KCNC2: variants seen among roughly 807,000 people sequenced by gnomAD.
KCNC2 encodes the protein voltage-gated potassium channel KCNC2.
KCNC2 carries 21 observed loss-of-function variants against 44.5 expected under a neutral mutation model. The ratio of observed to expected loss-of-function variants is 0.47; its 90% CI spans 0.33 to 0.68. The LOEUF (loss-of-function observed/expected upper bound fraction) is 0.68, where lower values mean the gene tolerates loss of function less well. Ranked by LOEUF, KCNC2 falls within the 30% of genes least tolerant of loss-of-function variation. The pLI is 0.01. For synonymous variants in KCNC2, 391 were observed against 339.1 expected, an observed-to-expected ratio of 1.15 and a Z score of -1.68; for missense variants, 589 against 826.2, an observed-to-expected ratio of 0.71 and a Z score of 3.52.
intron 2 of KCNC2, among the ~76,000 whole-genome samples, chr12:75,196,456 G>T (rs1033262379): frequency 9.2e-5 from 14 of 152,020 alleles, no homozygotes; most frequent in African/African-American, 2.9e-4. Context: ...AGCAATGCTT[G>T]CCTCAAGGAA....
chr12:75,126,850 G>A (rs2137316114), intron 2 of KCNC2, among the ~76,000 whole-genome samples: 1 of 152,244 alleles, frequency 6.6e-6, no homozygotes, highest in East Asian at 1.9e-4. Context: ...ATTTGGGGCA[G>A]GAAGGACTTC....
At chr12:75,175,903 T>C (rs1892151599) in intron 2 of KCNC2, among the ~76,000 whole-genome samples, 1 of 152,070 alleles carries the variant, frequency 6.6e-6, no homozygotes, top group Non-Finnish European at 1.5e-5. Context: ...AGGTAAATAG[T>C]GAAAACAATA....
intron 2 of KCNC2, among the ~76,000 whole-genome samples, chr12:75,195,583 C>A (rs2030688644): frequency 1.3e-5 from 2 of 152,036 alleles, no homozygotes; most frequent in Non-Finnish European, 2.9e-5. Context: ...AACTCCTCTT[C>A]AACTGTGTCC....
intron 2 of KCNC2, among the ~76,000 whole-genome samples, chr12:75,097,702 C>T (rs1157820904): frequency 6.6e-6 from 1 of 151,974 alleles, no homozygotes; most frequent in African/African-American, 2.4e-5. Context: ...AAGACATATA[C>T]CATGATTTTT....
intron 2 of KCNC2, among the ~76,000 whole-genome samples, chr12:75,174,524 A>G (rs1243467407): frequency 1.3e-5 from 2 of 151,938 alleles, no homozygotes; most frequent in Admixed American, 6.6e-5. Flanking sequence ...TGTTGCAGTC[A>G]TATTATATAG....
chr12:75,119,187 T>C (rs1480493967), intron 2 of KCNC2, among the ~76,000 whole-genome samples: 1 of 152,214 alleles, frequency 6.6e-6, no homozygotes, highest in Non-Finnish European at 1.5e-5. Flanking sequence ...AGATTAATAT[T>C]ATACACAATG....
At position 75,069,129 on chromosome 12, in the gene KCNC2, C is replaced by CTTTTTTTTTTTTTTTTTTTT. The variant is rs1158151551; in HGVS notation, c.688-17832_688-17813dup. Among the ~76,000 whole-genome samples the CTTTTTTTTTTTTTTTTTTTT allele has an allele frequency of 2.5e-4, 16 of 63,648 alleles. 5 individuals carry two copies. Among genetic ancestry groups the CTTTTTTTTTTTTTTTTTTTT allele is most frequent in the South Asian group, 1.6e-3 (2 of 1,290 alleles). 41.8% of individuals were successfully genotyped at this position (63,648 alleles called of 152,430 possible). A position where few individuals can be genotyped will look rare whatever the true frequency, so the allele number is the denominator to read the frequency against. The stretch of plus-strand genomic sequence containing the variant: ...AAAAACAGTTTCAATTTTATATAAT[C>CTTTTTTTTTTTTTTTTTTTT]TTTTTTTTTTTTTTTTTTTTTTGAG... On this transcript the variant is annotated intron_variant, in intron 2 of 4. Coordinates refer to ENST00000549446, the MANE Select transcript of KCNC2 (RefSeq NM_139137.4).
At chr12:75,198,219 C>T (rs2030943586) in intron 2 of KCNC2, among the ~76,000 whole-genome samples, 1 of 151,710 alleles carries the variant, frequency 6.6e-6, no homozygotes, top group Non-Finnish European at 1.5e-5. Flanking sequence ...CATTATGTGC[C>T]TGGGAATTAA....
intron 2 of KCNC2, among the ~76,000 whole-genome samples, chr12:75,090,759 G>A (rs776424046): frequency 7.3e-5 from 11 of 149,908 alleles, no homozygotes; most frequent in Non-Finnish European, 7.5e-5. Context: ...GTAGCAAATT[G>A]TTGTTAATAT....
At chr12:75,089,606 TA>T (rs1885307651) in intron 2 of KCNC2, among the ~76,000 whole-genome samples, 1 of 151,878 alleles carries the variant, frequency 6.6e-6, no homozygotes, top group South Asian at 2.1e-4. Flanking sequence ...ATGCAACTTT[TA>T]ACAGTTTTAT....
chr12:75,043,314 G>A (rs1252937714), intron 4 of KCNC2, 73 bp from the exon 5 acceptor site: 3 of 1,544,822 alleles, frequency 1.9e-6, no homozygotes, highest in Non-Finnish European at 2.6e-6. Flanking sequence ...ACCATGCAGG[G>A]CAATCAAAAG....
Position 75,042,750 on chromosome 12 carries a change from T to A in KCNC2, c.*355A>T. On this transcript the variant is annotated 3_prime_UTR_variant, in exon 5 of 5. Transcript: ENST00000549446. ...TGGTTTACAGTCACAAGAAATAAAG[T>A]TCCAATGAAGTGGTTGGCATTTGGA... 1.3e-5 allele frequency: 15 copies of A among 1,148,370 alleles called. No individual in the cohort carries two copies. Among genetic ancestry groups the A allele is most frequent in the Non-Finnish European group, 1.6e-5 (15 of 933,536 alleles). The allele number at this position is 1,148,370 out of a possible 1,614,324, so 71.1% of individuals were successfully genotyped here.
chr12:75,154,918 A>G (rs1430481853), intron 2 of KCNC2, among the ~76,000 whole-genome samples: 2 of 151,718 alleles, frequency 1.3e-5, no homozygotes, highest in Non-Finnish European at 2.9e-5. Flanking sequence ...TGAAAAACTA[A>G]TTTTTTTTCT....
At chr12:75,193,252 G>A (rs994728220) in intron 2 of KCNC2, among the ~76,000 whole-genome samples, 3 of 152,110 alleles carry the variant, frequency 2.0e-5, no homozygotes, top group Non-Finnish European at 4.4e-5. Flanking sequence ...TGAAAAACAG[G>A]AAAAGTTATT....
chr12:75,105,126 A>C (rs1458165317), intron 2 of KCNC2, among the ~76,000 whole-genome samples: 1 of 152,198 alleles, frequency 6.6e-6, no homozygotes, highest in Non-Finnish European at 1.5e-5. Flanking sequence ...AAAGAAGTTG[A>C]ATAAAAATGG....
intron 2 of KCNC2, among the ~76,000 whole-genome samples, chr12:75,095,223 A>G (rs1479595029): frequency 6.6e-6 from 1 of 151,830 alleles, no homozygotes; most frequent in Non-Finnish European, 1.5e-5. Context: ...TCTGCAATCT[A>G]TGATCTTTAT....
intron 2 of KCNC2, among the ~76,000 whole-genome samples, chr12:75,179,417 A>G (rs1198648726): frequency 6.6e-6 from 1 of 151,910 alleles, no homozygotes; most frequent in African/African-American, 2.4e-5. Context: ...TCAGTTAACA[A>G]AAAAGAAATG....
At chr12:75,079,193 A>G (rs1191962806) in intron 2 of KCNC2, among the ~76,000 whole-genome samples, 2 of 152,170 alleles carry the variant, frequency 1.3e-5, no homozygotes, top group Middle Eastern at 3.4e-3. Context: ...GGTAAACCCT[A>G]TTTATGGTAT....
At chr12:75,120,458 C>T (rs7979134) in intron 2 of KCNC2, among the ~76,000 whole-genome samples, 19,269 of 152,154 alleles carry the variant, frequency 0.13, 1,357 homozygotes, top group Middle Eastern at 0.25. Context: ...CTTTGTAATG[C>T]CATTTCTTAA....
Sources: allele counts gnomAD v4.1 joint callset (sites outside exome capture counted in the v4.1 genomes callset), GRCh38; gene constraint gnomAD v4.1.1; transcripts MANE v1.5; gene names NCBI Gene and HGNC (gene_info 2026-07-23, HGNC 2026-07-21).